The following LHFPL6 variants were observed in gnomAD, a reference collection of about 807,000 sequenced individuals.
LHFPL6 encodes the protein LHFPL tetraspan subfamily member 6 protein.
Under a neutral mutation model 20.6 loss-of-function variants are expected in LHFPL6, and 9 were observed. That is an observed-to-expected ratio of 0.44 (90% CI 0.26 to 0.76). LHFPL6 has a LOEUF of 0.76. LHFPL6 is among the 30% of genes least tolerant of loss of function. The pLI, the probability that LHFPL6 is intolerant of heterozygous loss-of-function variation, is 0.20. For missense variants in LHFPL6, 218 were observed against 253.5 expected (o/e 0.86, Z 0.95); for synonymous variants, 105 against 98.7 (o/e 1.06, Z -0.38).
chr13:39,399,616 AG>A lies in LHFPL6; in HGVS notation c.386-21091del, dbSNP rs1379693321. On this transcript the variant is annotated intron_variant, in intron 2 of 3. Coordinates refer to ENST00000379589, the MANE Select transcript of LHFPL6 (RefSeq NM_005780.3). ...AAGAGGGAGAAGCATGGGACTTGAA[AG>A]GATAGCGTCCTATAAAGATCACGCT... Among the ~76,000 whole-genome samples the A allele has an allele frequency of 3.9e-5, 6 of 152,220 alleles. No individual in the cohort carries two copies. The East Asian group carries it at 1.2e-3, about 29-fold the overall frequency.
At chr13:39,523,449 G>A (rs1473164908) in intron 2 of LHFPL6, among the ~76,000 whole-genome samples, 3 of 151,674 alleles carry the variant, frequency 2.0e-5, no homozygotes, top group Admixed American at 2.0e-4. Context: ...GGCGCCTGTA[G>A]TCCCAGCTAC....
At chr13:39,404,141 G>A (rs1871058405) in intron 2 of LHFPL6, among the ~76,000 whole-genome samples, 1 of 152,118 alleles carries the variant, frequency 6.6e-6, no homozygotes, top group African/African-American at 2.4e-5. Context: ...AGCACGTGAT[G>A]GAATTTTGTT....
chr13:39,459,664 T>A (rs1593321001), intron 2 of LHFPL6, among the ~76,000 whole-genome samples: 1 of 152,304 alleles, frequency 6.6e-6, no homozygotes, highest in Non-Finnish European at 1.5e-5. Context: ...CTCTTATTTA[T>A]CTCCCCATTC....
intron 2 of LHFPL6, among the ~76,000 whole-genome samples, chr13:39,543,841 C>T (rs1198963382): frequency 6.6e-6 from 1 of 152,120 alleles, no homozygotes; most frequent in African/African-American, 2.4e-5. Context: ...TTGCATAATG[C>T]CAATTTGTGT....
intron 2 of LHFPL6, among the ~76,000 whole-genome samples, chr13:39,582,616 T>A (rs1228819043): frequency 6.6e-6 from 1 of 152,206 alleles, no homozygotes; most frequent in East Asian, 1.9e-4. Flanking sequence ...GGTGTGGTTT[T>A]AATGGCAATG....
intron 2 of LHFPL6, among the ~76,000 whole-genome samples, chr13:39,545,042 A>G (rs1870935233): frequency 6.6e-6 from 1 of 151,792 alleles, no homozygotes; most frequent in Admixed American, 6.6e-5. Context: ...GGAGATCGAG[A>G]CCATCCTGGC....
rs569757791 is a variant in LHFPL6 at position 39,572,529 on chromosome 13, G to C, written c.385+28303C>G. Among the ~76,000 whole-genome samples, 5 of 152,260 alleles carry C rather than the reference G, an allele frequency of 3.3e-5. No individual in the cohort carries two copies. The South Asian group carries it at 1.0e-3, about 32-fold the overall frequency. On this transcript the variant is annotated intron_variant, in intron 2 of 3. Coordinates refer to ENST00000379589, the MANE Select transcript of LHFPL6 (RefSeq NM_005780.3). ...AAAAACCTCTCTTTAAGAAGTAAAA[G>C]CTTTATCCCTAATTGTTACAGCTTT... is the stretch of plus-strand genomic sequence containing the variant.
intron 2 of LHFPL6, among the ~76,000 whole-genome samples, chr13:39,564,893 A>C (rs1224427591): frequency 6.6e-6 from 1 of 152,212 alleles, no homozygotes; most frequent in Admixed American, 6.5e-5. Flanking sequence ...CTGTCTCTAT[A>C]CCTTATTATA....
At chr13:39,509,492 A>G (rs1869610803) in intron 2 of LHFPL6, among the ~76,000 whole-genome samples, 1 of 152,114 alleles carries the variant, frequency 6.6e-6, no homozygotes, top group African/African-American at 2.4e-5. Context: ...GGTTTAAGGT[A>G]TGCGCTGAAG....
Position 39,344,026 on chromosome 13 carries a change from G to C in LHFPL6, c.513C>G (p.Tyr171Ter). ...CGGCAGTGGCACCTGCTCCCGTGCAGTAGTAGGCCCAGCCGATTTCACACT... is the reference window on the plus strand; with the variant it reads ...CGGCAGTGGCACCTGCTCCCGTGCACTAGTAGGCCCAGCCGATTTCACACT... ...LGKCEIGWAY[Y>*]CTGAGATAAM... The change falls in exon 4 of 4, where the codon TAC becomes TAG. Residue 171 changes from tyrosine (Y) to a stop codon, truncating the protein, a stop_gained. Transcript: ENST00000379589. LOFTEE classifies it high-confidence loss of function. The C allele has an allele frequency of 6.2e-7, 1 of 1,613,372 alleles. No homozygotes were observed. Among genetic ancestry groups the C allele is most frequent in the Non-Finnish European group, 8.5e-7 (1 of 1,179,638 alleles).
intron 2 of LHFPL6, among the ~76,000 whole-genome samples, chr13:39,440,850 G>A (rs1043545295): frequency 2.0e-5 from 3 of 152,110 alleles, no homozygotes; most frequent in Non-Finnish European, 2.9e-5. Flanking sequence ...CCTGCCCTGC[G>A]CTGTTCTCAT....
intron 2 of LHFPL6, among the ~76,000 whole-genome samples, chr13:39,464,528 A>G (rs1257031444): frequency 6.6e-6 from 1 of 152,224 alleles, no homozygotes; most frequent in Non-Finnish European, 1.5e-5. Context: ...TGTAAAAAAC[A>G]TATTTTAATA....
chr13:39,513,974 C>T (rs990670597), intron 2 of LHFPL6, among the ~76,000 whole-genome samples: 1 of 152,168 alleles, frequency 6.6e-6, no homozygotes, highest in Non-Finnish European at 1.5e-5. Flanking sequence ...CACTCTGCAA[C>T]TTGACTCTGG....
chr13:39,389,857 A>G (rs1048459362), intron 2 of LHFPL6, among the ~76,000 whole-genome samples: 1 of 152,190 alleles, frequency 6.6e-6, no homozygotes, highest in Non-Finnish European at 1.5e-5. Context: ...CAAAGCAGTG[A>G]TGAGTTCCCT....
intron 2 of LHFPL6, among the ~76,000 whole-genome samples, chr13:39,518,686 T>A (rs566428168): frequency 9.3e-4 from 141 of 152,300 alleles, no homozygotes; most frequent in African/African-American, 3.2e-3. Flanking sequence ...ACAATAGTAT[T>A]TCTCAGCTTT....
chr13:39,505,739 G>A (rs1303416515), intron 2 of LHFPL6, among the ~76,000 whole-genome samples: 1 of 152,206 alleles, frequency 6.6e-6, no homozygotes, highest in Non-Finnish European at 1.5e-5. Flanking sequence ...ACAGAGAATA[G>A]CTGACTCTCT....
In LHFPL6 at chr13:39,347,329, T is replaced by A. The variant is rs543614802; in HGVS notation, c.485-3275A>T. Among the ~76,000 whole-genome samples the A allele has an allele frequency of 3.9e-5, 6 of 152,280 alleles. No individual in the cohort carries two copies. The East Asian group carries it at 1.2e-3, about 29-fold the overall frequency. On this transcript the variant is annotated intron_variant, in intron 3 of 3. Transcript: ENST00000379589. ...TTCCAGATCGTGGAAATGCCAGGCC[T>A]CTGGTAAACACCTAATAAATAATTG...
At chr13:39,441,823 C>CTTTTTTTTTTTTTTTTTTTTT (rs1168860757) in intron 2 of LHFPL6, among the ~76,000 whole-genome samples, 1 of 110,078 alleles carries the variant, frequency 9.1e-6, no homozygotes. Context: ...TGGGCTAAAA[C>CTTTTTTTTTTTTTTTTTTTTT]TTTTTTTTTT....
chr13:39,521,704 TAA>T (rs894980539), intron 2 of LHFPL6, among the ~76,000 whole-genome samples: 42 of 152,336 alleles, frequency 2.8e-4, no homozygotes, highest in African/African-American at 9.6e-4. Context: ...GTAGTCACGA[TAA>T]AGAGTCATTA....
Sources: gnomAD v4.1 joint callset for allele counts (sites outside exome capture counted in the v4.1 genomes callset) on GRCh38, gnomAD v4.1.1 for gene constraint, MANE v1.5 for transcripts, NCBI Gene and HGNC (gene_info 2026-07-23, HGNC 2026-07-21) for gene names.